Variants in PCDHGA7 observed in about 807,000 individuals in gnomAD.
PCDHGA7 encodes the protein protocadherin gamma subfamily A, 7.
Under a neutral mutation model 58.3 loss-of-function variants are expected in PCDHGA7, and 44 were observed. That is an observed-to-expected ratio of 0.75 (90% confidence interval 0.59 to 0.97). The LOEUF (loss-of-function observed/expected upper bound fraction) is 0.97. PCDHGA7 is among the 50% of genes least tolerant of loss of function. The pLI, the probability that PCDHGA7 is intolerant of heterozygous loss-of-function variation, is 0.00. For missense variants in PCDHGA7, 1,266 were observed against 1,188.7 expected (o/e 1.06, Z -0.96); for synonymous variants, 516 against 504.2 (o/e 1.02, Z -0.31).
chr5:141,413,721 C>T (rs779673406), intron 1 of PCDHGA7: 1 of 1,613,592 alleles, frequency 6.2e-7, no homozygotes, highest in South Asian at 1.1e-5. Context: ...ATAAGCACTT[C>T]TCCCTAAGAG....
intron 3 of PCDHGA7, 46 bp from the exon 4 acceptor site, chr5:141,510,901 A>G: frequency 1.9e-6 from 3 of 1,613,412 alleles, no homozygotes; most frequent in African/African-American, 2.7e-5. Flanking sequence ...GTGACTGTTG[A>G]GGACCCTAAG....
intron 1 of PCDHGA7, among the ~76,000 whole-genome samples, chr5:141,439,431 G>A (rs2154558488): frequency 6.6e-6 from 1 of 152,298 alleles, no homozygotes; most frequent in Non-Finnish European, 1.5e-5. Flanking sequence ...AAATTCCCAG[G>A]AATATTTTAT....
intron 1 of PCDHGA7, among the ~76,000 whole-genome samples, chr5:141,449,331 G>T (rs1054980032): frequency 3.3e-5 from 5 of 151,950 alleles, no homozygotes; most frequent in Admixed American, 3.3e-4. Flanking sequence ...TGTAGGCCAG[G>T]TGCAGTGGCT....
chr5:141,478,323 G>C, intron 1 of PCDHGA7: 1 of 1,613,958 alleles, frequency 6.2e-7, no homozygotes, highest in Non-Finnish European at 8.5e-7. Flanking sequence ...TCACTGTACC[G>C]AACACCAGGG....
chr5:141,456,715 A>G (rs2098881350), intron 1 of PCDHGA7, among the ~76,000 whole-genome samples: 1 of 152,204 alleles, frequency 6.6e-6, no homozygotes, highest in South Asian at 2.1e-4. Flanking sequence ...CTGTAATCCC[A>G]GCACTTTGGG....
intron 1 of PCDHGA7, chr5:141,392,672 T>C (rs1375291090): frequency 4.5e-6 from 4 of 880,364 alleles, no homozygotes; most frequent in Non-Finnish European, 6.7e-6. Flanking sequence ...AACTAACTGC[T>C]GGACTGCAGC....
intron 1 of PCDHGA7, among the ~76,000 whole-genome samples, chr5:141,387,456 T>C (rs1444030980): frequency 6.6e-6 from 1 of 152,246 alleles, no homozygotes; most frequent in Non-Finnish European, 1.5e-5. Context: ...ATGATTTGCC[T>C]AAAAATCCTC....
chr5:141,501,304 C>T (rs1005430489), intron 2 of PCDHGA7, among the ~76,000 whole-genome samples: 104 of 151,340 alleles, frequency 6.9e-4, no homozygotes, highest in African/African-American at 2.2e-3. Flanking sequence ...CACACACACA[C>T]ACACACACAC....
chr5:141,474,169 T>C (rs1268235616), intron 1 of PCDHGA7, among the ~76,000 whole-genome samples: 2 of 152,232 alleles, frequency 1.3e-5, no homozygotes, highest in Non-Finnish European at 2.9e-5. Context: ...GGCCTTATTA[T>C]TGAGAAAACT....
intron 1 of PCDHGA7, chr5:141,394,431 C>G: frequency 1.2e-6 from 2 of 1,614,252 alleles, no homozygotes; most frequent in Non-Finnish European, 1.7e-6. Context: ...CAGCGGGGAC[C>G]CGCCCCTCAG....
intron 1 of PCDHGA7, among the ~76,000 whole-genome samples, chr5:141,446,764 G>A (rs2098514605): frequency 6.6e-6 from 1 of 152,214 alleles, no homozygotes; most frequent in Non-Finnish European, 1.5e-5. Context: ...ACCGCGCCCA[G>A]CCGGTTACCA....
intron 1 of PCDHGA7, chr5:141,405,642 T>C (rs2094697537): frequency 1.9e-6 from 1 of 528,606 alleles, no homozygotes; most frequent in Non-Finnish European, 3.3e-6. Flanking sequence ...GCCCGGCTAA[T>C]TTTTTGTGTG....
chr5:141,491,353 T>A lies in PCDHGA7; in HGVS notation c.2425-3454T>A. On this transcript the variant is annotated intron_variant, in intron 1 of 3. Coordinates refer to ENST00000518325, the MANE Select transcript of PCDHGA7 (RefSeq NM_018920.4). This position sits in a 1 kb window ranked among gnomAD's most constrained non-coding sequence, Gnocchi z 6.9. ...GGCTCTAGCGACCGTCAGTCTCTTATCCCTAGTCACCTTCACCTTTCTGTC... is the reference window on the plus strand; with the variant it reads ...GGCTCTAGCGACCGTCAGTCTCTTAACCCTAGTCACCTTCACCTTTCTGTC... The A allele has an allele frequency of 6.2e-7, 1 of 1,614,160 alleles. No homozygotes were observed. Among genetic ancestry groups the A allele is most frequent in the South Asian group, 1.1e-5 (1 of 91,080 alleles).
Position 141,486,486 on chromosome 5 carries a change from A to G in PCDHGA7, c.2425-8321A>G. The G allele has an allele frequency of 6.2e-7, 1 of 1,614,056 alleles. No individual in the cohort carries two copies. Among genetic ancestry groups the G allele is most frequent in the South Asian group, 1.1e-5 (1 of 91,084 alleles). ...GCTGGGAACCCTCCTCTCAGTACCC[A>G]CAGAACTATTTTCCTCAATATTTCA... On this transcript the variant is annotated intron_variant, in intron 1 of 3. Coordinates refer to ENST00000518325, the MANE Select transcript of PCDHGA7 (RefSeq NM_018920.4). The surrounding 1 kb of genome is among the most constrained non-coding windows in gnomAD (Gnocchi z 5.0).
At chr5:141,484,857 G>C in intron 1 of PCDHGA7, 1 of 264,370 alleles carries the variant, frequency 3.8e-6, no homozygotes. Flanking sequence ...TTTTTGGGGG[G>C]TGGGGGAGCG....
intron 1 of PCDHGA7, chr5:141,399,416 C>T: frequency 6.2e-7 from 1 of 1,614,046 alleles, no homozygotes; most frequent in African/African-American, 1.3e-5. Context: ...CCCCTCTCCT[C>T]CAGCATAAGC....
intron 3 of PCDHGA7, chr5:141,507,274 C>T (rs1000866082): frequency 1.3e-5 from 2 of 151,532 alleles, no homozygotes; most frequent in Non-Finnish European, 2.9e-5. Context: ...ACTATTTCAG[C>T]ATAAGTCAGT....
intron 1 of PCDHGA7, chr5:141,418,604 G>C: frequency 6.2e-7 from 1 of 1,614,040 alleles, no homozygotes; most frequent in African/African-American, 1.3e-5. Context: ...CGTGTACAGG[G>C]TTAGCCTTCG....
At chr5:141,496,581 C>T (rs868326584) in intron 2 of PCDHGA7, among the ~76,000 whole-genome samples, 9 of 152,134 alleles carry the variant, frequency 5.9e-5, no homozygotes, top group African/African-American at 1.9e-4. Flanking sequence ...ATTTTAGGAA[C>T]GCAAAGCGCT....
Sources: allele counts gnomAD v4.1 joint callset (sites outside exome capture counted in the v4.1 genomes callset), GRCh38; gene constraint gnomAD v4.1.1; non-coding constraint Gnocchi (gnomAD v3.1); transcripts MANE v1.5; gene names NCBI Gene and HGNC (gene_info 2026-07-23, HGNC 2026-07-21).